Variants in ANXA4 observed in about 807,000 individuals in gnomAD.
ANXA4 encodes the protein annexin A4, also known as 35-beta calcimedin.
A neutral mutation model predicts 49.8 loss-of-function variants in ANXA4; 39 were observed. The ratio of observed to expected loss-of-function variants is 0.78; its 90% CI spans 0.61 to 1.02. The LOEUF (loss-of-function observed/expected upper bound fraction) is 1.02. ANXA4 is among the 50% of genes least tolerant of loss of function. The probability of loss-of-function intolerance (pLI) is 0.00; values close to 1 mark genes in which losing one functional copy is unlikely to be tolerated. For synonymous variants in ANXA4, 134 were observed against 152.5 expected (o/e 0.88, Z 0.89); for missense variants, 360 against 410.1 (o/e 0.88, Z 1.05).
At chr2:69,680,637 G>T (rs139397582) in intron 2 of ANXA4, among the ~76,000 whole-genome samples, 1 of 152,114 alleles carries the variant, frequency 6.6e-6, no homozygotes, top group African/African-American at 2.4e-5. Context: ...TTAGCTGTGG[G>T]TTTGTCCTAT....
At chr2:69,786,656 A>T (rs1672427594) in intron 2 of ANXA4, among the ~76,000 whole-genome samples, 2 of 152,172 alleles carry the variant, frequency 1.3e-5, no homozygotes, top group Admixed American at 6.5e-5. Flanking sequence ...ACAAAAGTAA[A>T]CAGAATACTA....
At chr2:69,722,740 G>A (rs1669846540) in intron 3 of ANXA4, among the ~76,000 whole-genome samples, 1 of 151,694 alleles carries the variant, frequency 6.6e-6, no homozygotes, top group African/African-American at 2.4e-5. Flanking sequence ...CTGAATTTAT[G>A]CACGTCAAAA....
At chr2:69,780,906 G>A (rs1252031888) in intron 1 of ANXA4, among the ~76,000 whole-genome samples, 1 of 152,154 alleles carries the variant, frequency 6.6e-6, no homozygotes, top group Non-Finnish European at 1.5e-5. Context: ...AAAAAAATGT[G>A]TGATGATGAT....
intron 4 of ANXA4, among the ~76,000 whole-genome samples, chr2:69,805,193 TA>T (rs1366448371): frequency 6.6e-6 from 1 of 152,060 alleles, no homozygotes; most frequent in Non-Finnish European, 1.5e-5. Flanking sequence ...TCCAAATAAT[TA>T]TATTTGGAAA....
chr2:69,738,354 T>C (rs6745470), upstream of ANXA4, among the ~76,000 whole-genome samples: 3,166 of 152,298 alleles, frequency 0.021, 114 homozygotes, highest in African/African-American at 0.072. Flanking sequence ...GAGTTTGAAC[T>C]TGGCTGCCAG....
intron 3 of ANXA4, among the ~76,000 whole-genome samples, chr2:69,729,939 A>T (rs1187431542): frequency 6.6e-6 from 1 of 152,212 alleles, no homozygotes; most frequent in Non-Finnish European, 1.5e-5. Flanking sequence ...TGGAAAGATA[A>T]AGATAGTGAC....
chr2:69,729,570 C>T (rs1670043967), intron 3 of ANXA4, among the ~76,000 whole-genome samples: 1 of 152,188 alleles, frequency 6.6e-6, no homozygotes, highest in African/African-American at 2.4e-5. Context: ...TGCCTAACAT[C>T]CTCCAATGCC....
chr2:69,801,751 C>T (rs143689261), intron 3 of ANXA4, among the ~76,000 whole-genome samples: 288 of 152,220 alleles, frequency 1.9e-3, no homozygotes, highest in African/African-American at 6.4e-3. Context: ...CCTGTATCAG[C>T]AGGAGGTACT....
chr2:69,806,307 C>G (rs1201152556), intron 4 of ANXA4, 78 bp from the exon 5 acceptor site: 1 of 1,016,714 alleles, frequency 9.8e-7, no homozygotes, highest in Non-Finnish European at 1.5e-6. Flanking sequence ...AGACCCCAGA[C>G]ATCCCTGGAC....
intron 2 of ANXA4, among the ~76,000 whole-genome samples, chr2:69,674,900 A>G (rs1332937830): frequency 6.7e-6 from 1 of 148,814 alleles, no homozygotes; most frequent in African/African-American, 2.5e-5. Context: ...CAAAAATTGT[A>G]CTCTAACATA....
chr2:69,656,323 GTATATATA>G (rs1252981532), intron 2 of ANXA4, among the ~76,000 whole-genome samples: 8 of 85,638 alleles, frequency 9.3e-5, no homozygotes, highest in South Asian at 4.8e-4. Flanking sequence ...GTATATATAT[GTATATATA>G]TGTGTATATA....
chr2:69,801,862 C>A (rs925010164), intron 3 of ANXA4, among the ~76,000 whole-genome samples: 8 of 152,178 alleles, frequency 5.3e-5, no homozygotes, highest in African/African-American at 1.9e-4. Context: ...GAATCACAGA[C>A]ATGCGGGAAT....
chr2:69,659,507 T>G (rs1250616967), intron 2 of ANXA4, among the ~76,000 whole-genome samples: 1 of 152,204 alleles, frequency 6.6e-6, no homozygotes, highest in Non-Finnish European at 1.5e-5. Flanking sequence ...AGTGGTGTGA[T>G]CAATAGCTCA....
At chr2:69,759,262 G>C (rs902358497) in intron 1 of ANXA4, among the ~76,000 whole-genome samples, 2 of 152,022 alleles carry the variant, frequency 1.3e-5, no homozygotes, top group African/African-American at 4.8e-5. Flanking sequence ...TATGGTGATT[G>C]TATAAAATAT....
rs764520828 is a variant in ANXA4 at position 69,816,082 on chromosome 2, G to T, written c.535-19G>T. On this transcript the variant is annotated intron_variant, in intron 8 of 12. Coordinates refer to ENST00000394295, the MANE Select transcript of ANXA4 (RefSeq NM_001153.5). Reference sequence around the variant, plus strand: ...ACATCGTTTTTGGAATTTTAGACCTGTGCTTTGTTTGGCTTCAGGACCTGT... The same window carrying T: ...ACATCGTTTTTGGAATTTTAGACCTTTGCTTTGTTTGGCTTCAGGACCTGT... 1.2e-6 allele frequency: 2 copies of T among 1,607,524 alleles called. No homozygotes were observed. Among genetic ancestry groups the T allele is most frequent in the Admixed American group, 1.7e-5 (1 of 59,980 alleles).
chr2:69,773,598 CT>C (rs1388968495), intron 1 of ANXA4, among the ~76,000 whole-genome samples: 4 of 124,820 alleles, frequency 3.2e-5, no homozygotes, highest in African/African-American at 1.2e-4. Flanking sequence ...ATTCTCCTTT[CT>C]TTTCTTTTCT....
chr2:69,809,920 TC>T (rs1673625966), intron 6 of ANXA4: 1 of 152,314 alleles, frequency 6.6e-6, no homozygotes, highest in South Asian at 2.1e-4. Context: ...CTGGTTGCTT[TC>T]CATCAGTGAA....
At chr2:69,740,935 A>G (rs1670378413), upstream of ANXA4, among the ~76,000 whole-genome samples, 1 of 145,010 alleles carries the variant, frequency 6.9e-6, no homozygotes, top group African/African-American at 2.6e-5. Context: ...AAAGTGATCC[A>G]CTTGCCCTGG....
At chr2:69,673,854 C>T (rs183106949) in intron 2 of ANXA4, among the ~76,000 whole-genome samples, 55 of 151,804 alleles carry the variant, frequency 3.6e-4, no homozygotes, top group Middle Eastern at 3.4e-3. Context: ...GAGAATCCCC[C>T]TGGGATTCTG....
Sources: allele counts gnomAD v4.1 joint callset (sites outside exome capture counted in the v4.1 genomes callset), GRCh38; gene constraint gnomAD v4.1.1; transcripts MANE v1.5; gene names NCBI Gene and HGNC (gene_info 2026-07-23, HGNC 2026-07-21).